CDC45: variants seen among roughly 807,000 people sequenced by gnomAD.
CDC45 encodes cell division cycle 45, also known as cell division control protein 45 homolog.
Under a neutral mutation model 77.8 loss-of-function variants are expected in CDC45, and 54 were observed. That is an observed-to-expected ratio of 0.69 (90% CI 0.56 to 0.87). CDC45 has a LOEUF of 0.87. Ranked by LOEUF, CDC45 falls within the 40% of genes least tolerant of loss-of-function variation. The probability of loss-of-function intolerance (pLI) is 0.00; values close to 1 mark genes in which losing one functional copy is unlikely to be tolerated. For missense variants in CDC45, 649 were observed against 721.6 expected, an observed-to-expected ratio of 0.90 and a Z score of 1.15; for synonymous variants, 260 against 272.1, an observed-to-expected ratio of 0.96 and a Z score of 0.44.
At chr22:19,487,512 A>C (rs2090089536) in intron 5 of CDC45, among the ~76,000 whole-genome samples, 1 of 152,146 alleles carries the variant, frequency 6.6e-6, no homozygotes. Flanking sequence ...CCTGGGCAAC[A>C]GAGCAGGACC....
chr22:19,511,025 G>T (rs182101935), intron 13 of CDC45, among the ~76,000 whole-genome samples: 64 of 152,268 alleles, frequency 4.2e-4, no homozygotes, highest in Admixed American at 1.2e-3. Context: ...GGAAATGCTG[G>T]GTGACATGGT....
intron 10 of CDC45, 52 bp from the exon 11 acceptor site, chr22:19,507,334 A>G: frequency 6.3e-7 from 1 of 1,595,708 alleles, no homozygotes. Context: ...GAGTTACGAG[A>G]GTGCTCAGGG....
rs1238199957 is a variant in CDC45 at position 19,516,515 on chromosome 22, C to G, written c.1441-12C>G. Reference sequence around the variant, plus strand: ...ACCATACCCTGACGGAGGGTGCTCTCCGACTCCATAGACAAAGAACCGGCG... The same window carrying G: ...ACCATACCCTGACGGAGGGTGCTCTGCGACTCCATAGACAAAGAACCGGCG... On this transcript the variant is annotated splice_polypyrimidine_tract_variant and intron_variant, in intron 15 of 18. Transcript: ENST00000263201. 2 of 1,610,610 alleles carry G rather than the reference C, an allele frequency of 1.2e-6. No individual in the cohort carries two copies. The highest frequency in any genetic ancestry group is 3.3e-5 in the Admixed American group (2 of 59,968).
Position 19,480,616 on chromosome 22 carries a change from C to A in CDC45, c.112-337C>A, listed in dbSNP as rs13447187. The stretch of plus-strand genomic sequence containing the variant: ...CAGGTGTTGCTGGGAATATGGGAGC[C>A]CCTAGTCTATTAGGGAAGATCGTTA... On this transcript the variant is annotated intron_variant, in intron 2 of 18. Coordinates refer to ENST00000263201, the MANE Select transcript of CDC45 (RefSeq NM_003504.5). 5.2e-3 allele frequency among the ~76,000 whole-genome samples: 786 copies of A among 151,736 alleles called. 14 individuals are homozygous for A. Among genetic ancestry groups the A allele is most frequent in the African/African-American group, 0.019 (769 of 41,464 alleles).
chr22:19,479,539 A>T, upstream of CDC45: 1 of 559,730 alleles, frequency 1.8e-6, no homozygotes, highest in South Asian at 1.5e-5. Context: ...CCACACCAAA[A>T]ACCTATTGCA....
intron 13 of CDC45, among the ~76,000 whole-genome samples, chr22:19,512,285 G>A (rs1054832060): frequency 1.3e-5 from 2 of 152,128 alleles, no homozygotes; most frequent in Non-Finnish European, 2.9e-5. Context: ...CTTGCATAGG[G>A]CAAAACTCTC....
rs1353046820 is a variant in CDC45 at position 19,499,147 on chromosome 22, A to G, written c.700A>G (p.Thr234Ala). ...AGACCAGTGGGTGCAAGACAAGATC[A>G]CTCAGTAAGGACACACTCCCTTGCC... Reference protein sequence around the residue: ...LTDQWVQDKITQMKYVTDVGV... With the variant: ...LTDQWVQDKIAQMKYVTDVGV... The change falls in exon 9 of 19, where the codon ACT (threonine) becomes GCT (alanine). Residue 234 changes from threonine to alanine, a missense_variant. By Grantham distance (58) the Thr-to-Ala change is moderately conservative (BLOSUM62 0). Coordinates refer to ENST00000263201, the MANE Select transcript of CDC45 (RefSeq NM_003504.5). The G allele has an allele frequency of 6.2e-7, 1 of 1,614,122 alleles. No homozygotes were observed. The highest frequency in any genetic ancestry group is 1.3e-5 in the African/African-American group (1 of 75,048).
At chr22:19,519,128 C>T (rs1933968527) in intron 18 of CDC45, among the ~76,000 whole-genome samples, 1 of 152,224 alleles carries the variant, frequency 6.6e-6, no homozygotes. Flanking sequence ...TTTCATTAAG[C>T]CCCTGCGATC....
In CDC45 at chr22:19,516,830, GC is replaced by G. The variant is rs1164357317; in HGVS notation, c.1574del (p.Ala525GlyfsTer22). The G allele has an allele frequency of 6.2e-7, 1 of 1,613,986 alleles. No homozygotes were observed. The highest frequency in any genetic ancestry group is 8.5e-7 in the Non-Finnish European group (1 of 1,179,988). On this transcript the variant is annotated frameshift_variant, in exon 17 of 19. Coordinates refer to ENST00000263201, the MANE Select transcript of CDC45 (RefSeq NM_003504.5). LOFTEE classifies it high-confidence loss of function. Reference protein sequence around the residue: ...SSDRKNFFGRAFEKAAESTSS... With the variant: ...SSDRKNFFGRXFEKAAESTSS... ...GTGTGTCAGCAGCTTTTTTGGGAGG[GC>G]GTTTGAGAAGGCAGCGGAAAGCACC...
At chr22:19,502,082 T>C (rs1932921154) in intron 9 of CDC45, among the ~76,000 whole-genome samples, 1 of 152,200 alleles carries the variant, frequency 6.6e-6, no homozygotes, top group African/African-American at 2.4e-5. Flanking sequence ...GTTAAATGCA[T>C]GTGTATTTTT....
intron 13 of CDC45, among the ~76,000 whole-genome samples, chr22:19,511,481 C>T (rs1933509072): frequency 6.6e-6 from 1 of 152,156 alleles, no homozygotes. Flanking sequence ...CAGGCATGAG[C>T]TACCACACCT....
At chr22:19,481,107 C>T (rs1263332798) in intron 3 of CDC45, 62 bp downstream of exon 3, 3 of 1,029,116 alleles carry the variant, frequency 2.9e-6, no homozygotes, top group Non-Finnish European at 4.6e-6. Context: ...CTTGACACAG[C>T]ATTCTATTTC....
intron 10 of CDC45, 42 bp downstream of exon 10, chr22:19,505,523 T>C (rs1272926134): frequency 1.2e-6 from 2 of 1,608,498 alleles, no homozygotes; most frequent in South Asian, 1.1e-5. Flanking sequence ...GCAGCACCCC[T>C]GCTCAGCAGG....
Position 19,508,387 on chromosome 22 carries a change from C to G in CDC45, c.1056-143C>G. The stretch of plus-strand genomic sequence containing the variant: ...GGGCTGGTATGTCTGGACGTTCTGA[C>G]CTGCCTCATCCTCTGAGCAGCATGG... On this transcript the variant is annotated intron_variant, in intron 12 of 18. Coordinates refer to ENST00000263201, the MANE Select transcript of CDC45 (RefSeq NM_003504.5). 3 of 866,036 alleles carry G rather than the reference C, an allele frequency of 3.5e-6. No individual in the cohort carries two copies. The South Asian group carries it at 4.7e-5, about 14-fold the overall frequency. 53.6% of individuals were successfully genotyped at this position (866,036 alleles called of 1,614,324 possible).
intron 10 of CDC45, among the ~76,000 whole-genome samples, chr22:19,507,005 G>A (rs543024748): frequency 2.1e-4 from 32 of 152,230 alleles, no homozygotes; most frequent in African/African-American, 7.2e-4. Flanking sequence ...AGGGCTCTCC[G>A]GAGGAATGGG....
At chr22:19,490,318 T>C (rs886114106) in intron 5 of CDC45, among the ~76,000 whole-genome samples, 14 of 152,158 alleles carry the variant, frequency 9.2e-5, no homozygotes, top group Non-Finnish European at 1.8e-4. Context: ...TGACATTTTA[T>C]TTTCTGTTTC....
chr22:19,489,337 A>C (rs1323163427), intron 5 of CDC45, among the ~76,000 whole-genome samples: 1 of 152,112 alleles, frequency 6.6e-6, no homozygotes, highest in Admixed American at 6.6e-5. Context: ...TTTAAAAAAA[A>C]AAAAAAAGAT....
At chr22:19,517,446 G>A (rs1427161242) in intron 17 of CDC45, among the ~76,000 whole-genome samples, 10 of 152,250 alleles carry the variant, frequency 6.6e-5, no homozygotes, top group Non-Finnish European at 1.5e-4. Context: ...ACGGAACATG[G>A]TTCACATTCG....
At chr22:19,480,316 G>A in intron 2 of CDC45, 99 bp downstream of exon 2, 1 of 1,107,300 alleles carries the variant, frequency 9.0e-7, no homozygotes, top group Non-Finnish European at 1.4e-6. Context: ...GGTGCTGAGG[G>A]CTTAGGGTGG....
Sources: gnomAD v4.1 joint callset for allele counts (sites outside exome capture counted in the v4.1 genomes callset) on GRCh38, gnomAD v4.1.1 for gene constraint, MANE v1.5 for transcripts, NCBI Gene and HGNC (gene_info 2026-07-23, HGNC 2026-07-21) for gene names.